BCL2L10: variants seen among roughly 807,000 people sequenced by gnomAD.
BCL2L10 encodes the protein bcl-2-like protein 10.
BCL2L10 carries 14 observed loss-of-function variants against 11.1 expected under a neutral mutation model. That is an observed-to-expected ratio of 1.26 (90% CI 0.83 to 1.96). The LOEUF (loss-of-function observed/expected upper bound fraction) is 1.96. BCL2L10 is among the 30% of genes most tolerant of loss of function. The pLI, the probability that BCL2L10 is intolerant of heterozygous loss-of-function variation, is 0.00. For synonymous variants in BCL2L10, 154 were observed against 133.4 expected (o/e 1.15, Z -1.07); for missense variants, 309 against 273.9 (o/e 1.13, Z -0.90).
At chr15:52,111,937 C>T (rs1056769529) in intron 1 of BCL2L10, among the ~76,000 whole-genome samples, 2 of 152,194 alleles carry the variant, frequency 1.3e-5, no homozygotes, top group African/African-American at 4.8e-5. Flanking sequence ...GGGTGCCCCC[C>T]TAAAAGTCCC....
chr15:52,110,715 G>A (rs1467627358), intron 1 of BCL2L10, among the ~76,000 whole-genome samples: 2 of 152,146 alleles, frequency 1.3e-5, no homozygotes, highest in African/African-American at 2.4e-5. Context: ...TTACAGGTGC[G>A]AGCCACTGCA....
Position 52,112,457 on chromosome 15 carries a change from G to T in BCL2L10, c.270C>A (p.Pro90=). Residue 90 remains proline (P), a synonymous_variant, in exon 1 of 2, where the codon CCC becomes CCA. Coordinates refer to ENST00000260442, the MANE Select transcript of BCL2L10 (RefSeq NM_020396.4). ...TCACCACTCTGCCCCAGGTGGGGCCGGGGCTGTCGGAGAGCACGGAATCCG... is the reference window on the plus strand; with the variant it reads ...TCACCACTCTGCCCCAGGTGGGGCCTGGGCTGTCGGAGAGCACGGAATCCG... ...LMADSVLSDS[P]GPTWGRVVTL... 6.2e-7 allele frequency: 1 copy of T among 1,605,702 alleles called. No homozygotes were observed. The highest frequency in any genetic ancestry group is 8.5e-7 in the Non-Finnish European group (1 of 1,179,342).
At position 52,109,913 on chromosome 15, in the gene BCL2L10, C is replaced by G; in HGVS notation, c.550G>C (p.Val184Leu). The G allele has an allele frequency of 6.2e-7, 1 of 1,613,694 alleles. No homozygotes were observed. Among genetic ancestry groups the G allele is most frequent in the Non-Finnish European group, 8.5e-7 (1 of 1,179,788 alleles). ...FPLAFWRKQL[V>L]QAFLSCLLTT... ...AACAAGCATGACAGAAAAGCCTGGA[C>G]CAGCTGTTTTCTCCAAAAAGCCAGT... The change falls in exon 2 of 2, where the codon GTC becomes CTC. Residue 184 changes from valine (V) to leucine (L), a missense_variant. Coordinates refer to ENST00000260442, the MANE Select transcript of BCL2L10 (RefSeq NM_020396.4).
rs1242339762 is a variant in BCL2L10, at chr15:52,109,972, T to C, written c.491A>G (p.Asp164Gly). The change falls in exon 2 of 2, where the codon GAT (aspartate) becomes GGT (glycine). Residue 164 changes from aspartate to glycine, a missense_variant and splice_region_variant. Transcript: ENST00000260442. ...GGTCCTGAAGAAGTGACAAAAGCCA[T>C]CCTACAGGGGGGAGAGAGAAAAGTT... ...RAWLQAQGGW[D>G]GFCHFFRTPF... The C allele has an allele frequency of 1.2e-6, 2 of 1,609,616 alleles. No homozygotes were observed. Among genetic ancestry groups the C allele is most frequent in the East Asian group, 2.2e-5 (1 of 44,802 alleles).
In BCL2L10 at chr15:52,112,398, C is replaced by T; in HGVS notation, c.329G>A (p.Arg110Lys). ...LVTFAGTLLE[R>K]GPLVTARWKK... ...CCACCGGGCGGTCACCAGCGGCCCTCTCTCCAGCAGCGTCCCTGCGAAGGT... is the reference window on the plus strand; with the variant it reads ...CCACCGGGCGGTCACCAGCGGCCCTTTCTCCAGCAGCGTCCCTGCGAAGGT... Residue 110 changes from arginine to lysine, a missense_variant, in exon 1 of 2, where the codon AGA (arginine) becomes AAA (lysine). Arg to Lys is a conservative substitution (Grantham distance 26). Transcript: ENST00000260442. The T allele has an allele frequency of 6.2e-7, 1 of 1,607,194 alleles. No homozygotes were observed. The highest frequency in any genetic ancestry group is 8.5e-7 in the Non-Finnish European group (1 of 1,179,538).
rs1236972176 is a variant in BCL2L10, at chr15:52,112,486, T to G, written c.241A>C (p.Met81Leu). The change falls in exon 1 of 2, where the codon ATG becomes CTG. Residue 81 changes from methionine to leucine, a missense_variant. Physicochemically the swap from Met to Leu is conservative, Grantham distance 15. Transcript: ENST00000260442. ...CTGTCGGAGAGCACGGAATCCGCCA[T>G]CAGCGCCACCAGCTCGAAGCGGTTC... Reference protein sequence around the residue: ...PGNRFELVALMADSVLSDSPG... With the variant: ...PGNRFELVALLADSVLSDSPG... 2.5e-6 allele frequency: 4 copies of G among 1,603,146 alleles called. No individual in the cohort carries two copies. In the East Asian group the frequency reaches 8.9e-5, roughly 36 times the overall value.
chr15:52,112,224 C>T lies in BCL2L10; in HGVS notation c.489+14G>A. On this transcript the variant is annotated intron_variant, in intron 1 of 1. Coordinates refer to ENST00000260442, the MANE Select transcript of BCL2L10 (RefSeq NM_020396.4). ...CCGTCCCGCCCCGTGTCCCGGTGTC[C>T]GCCGCGTGCTCACCCAGCCGCCCTG... The T allele has an allele frequency of 2.0e-6, 3 of 1,479,084 alleles. No individual in the cohort carries two copies. The highest frequency in any genetic ancestry group is 2.7e-6 in the Non-Finnish European group (3 of 1,120,024). 91.6% of individuals were successfully genotyped at this position (1,479,084 alleles called of 1,614,324 possible). A position where few individuals can be genotyped will look rare whatever the true frequency, so the allele number is the denominator to read the frequency against.
intron 1 of BCL2L10, 52 bp downstream of exon 1, chr15:52,112,186 G>A (rs1047144465): frequency 1.4e-6 from 2 of 1,423,114 alleles, no homozygotes; most frequent in Non-Finnish European, 1.8e-6. Context: ...CCTCGTGGGC[G>A]CTTCCCGGCT....
At chr15:52,112,135 C>A in intron 1 of BCL2L10, 103 bp downstream of exon 1, 1 of 1,391,748 alleles carries the variant, frequency 7.2e-7, no homozygotes, top group Non-Finnish European at 9.3e-7. Flanking sequence ...CACGAAACCT[C>A]GTTCCAGGGG....
intron 1 of BCL2L10, 163 bp downstream of exon 1, chr15:52,112,075 A>C: frequency 7.6e-7 from 1 of 1,318,160 alleles, no homozygotes; most frequent in Non-Finnish European, 9.8e-7. Context: ...GAGAAACCCC[A>C]GACTTCACAG....
At position 52,109,725 on chromosome 15, in the gene BCL2L10, T is replaced by C; in HGVS notation, c.*123A>G. 5.2e-6 allele frequency: 7 copies of C among 1,355,794 alleles called. No individual in the cohort carries two copies. Among genetic ancestry groups the C allele is most frequent in the Non-Finnish European group, 7.1e-6 (7 of 984,990 alleles). The allele number at this position is 1,355,794 out of a possible 1,614,324, so 84.0% of individuals were successfully genotyped here. ...CAAATCACCACCTCAGGACTCCTTG[T>C]ATGCATTCAGATAAAAACGTCTGGG... On this transcript the variant is annotated 3_prime_UTR_variant, in exon 2 of 2. Coordinates refer to ENST00000260442, the MANE Select transcript of BCL2L10 (RefSeq NM_020396.4).
rs2033029781 is a variant in BCL2L10 at position 52,109,989 on chromosome 15, A to G, written c.490-16T>C. ...AAAAGCCATCCTACAGGGGGGAGAG[A>G]GAAAAGTTAGATTGCCTCATGATGC... On this transcript the variant is annotated splice_polypyrimidine_tract_variant and intron_variant, in intron 1 of 1. Coordinates refer to ENST00000260442, the MANE Select transcript of BCL2L10 (RefSeq NM_020396.4). 1 of 1,588,352 alleles carries G rather than the reference A, an allele frequency of 6.3e-7. No individual in the cohort carries two copies. The highest frequency in any genetic ancestry group is 1.8e-5 in the Admixed American group (1 of 54,980).
At chr15:52,110,617 G>C (rs1042558369) in intron 1 of BCL2L10, among the ~76,000 whole-genome samples, 1 of 152,130 alleles carries the variant, frequency 6.6e-6, no homozygotes, top group Non-Finnish European at 1.5e-5. Context: ...ATTTTTAGTA[G>C]AGAGGGGGTT....
Position 52,112,401 on chromosome 15 carries a change from T to A in BCL2L10, c.326A>T (p.Glu109Val). 1 of 1,606,934 alleles carries A rather than the reference T, an allele frequency of 6.2e-7. No homozygotes were observed. Among genetic ancestry groups the A allele is most frequent in the East Asian group, 2.2e-5 (1 of 44,814 alleles). The stretch of plus-strand genomic sequence containing the variant: ...CCGGGCGGTCACCAGCGGCCCTCTC[T>A]CCAGCAGCGTCCCTGCGAAGGTCAC... ...TLVTFAGTLL[E>V]RGPLVTARWK... The change falls in exon 1 of 2, where the codon GAG (glutamate) becomes GTG (valine). Residue 109 changes from glutamate to valine, a missense_variant. Glu to Val is a moderately radical substitution (Grantham distance 121). Coordinates refer to ENST00000260442, the MANE Select transcript of BCL2L10 (RefSeq NM_020396.4).
rs2033029016 is a variant in BCL2L10 at position 52,109,979 on chromosome 15, G to T, written c.490-6C>A. ...AAGAAGTGACAAAAGCCATCCTACAGGGGGGAGAGAGAAAAGTTAGATTGC... is the reference window on the plus strand; with the variant it reads ...AAGAAGTGACAAAAGCCATCCTACATGGGGGAGAGAGAAAAGTTAGATTGC... On this transcript the variant is annotated splice_region_variant and splice_polypyrimidine_tract_variant and intron_variant, in intron 1 of 1. Coordinates refer to ENST00000260442, the MANE Select transcript of BCL2L10 (RefSeq NM_020396.4). 6.3e-7 allele frequency: 1 copy of T among 1,593,318 alleles called. No homozygotes were observed. Among genetic ancestry groups the T allele is most frequent in the Non-Finnish European group, 8.5e-7 (1 of 1,170,942 alleles).
rs2033015647 is a variant in BCL2L10, at chr15:52,109,462, A to G, written c.*386T>C. 1 of 163,968 alleles carries G rather than the reference A, an allele frequency of 6.1e-6. No homozygotes were observed. The highest frequency in any genetic ancestry group is 6.4e-5 in the Admixed American group (1 of 15,578). 10.2% of individuals were successfully genotyped at this position (163,968 alleles called of 1,614,324 possible). ...TCTACTTTGGGGATTATTTTGCCCC[A>G]GCTGTGGCCATGTTTAAAATTAGTC... On this transcript the variant is annotated 3_prime_UTR_variant, in exon 2 of 2. Transcript: ENST00000260442.
intron 1 of BCL2L10, among the ~76,000 whole-genome samples, chr15:52,111,739 A>G (rs12440956): frequency 0.15 from 23,021 of 151,918 alleles, 2,131 homozygotes; most frequent in Admixed American, 0.25. Flanking sequence ...CCACTGGGCG[A>G]CCACCACACT....
Position 52,112,380 on chromosome 15 carries a change from G to T in BCL2L10, c.347C>A (p.Ala116Asp). ...CTGGAAGCCCCACTTCTTCCACCGGGCGGTCACCAGCGGCCCTCTCTCCAG... is the reference window on the plus strand; with the variant it reads ...CTGGAAGCCCCACTTCTTCCACCGGTCGGTCACCAGCGGCCCTCTCTCCAG... ...TLLERGPLVTARWKKWGFQPR... is the reference protein window; with the variant it reads ...TLLERGPLVTDRWKKWGFQPR... Residue 116 changes from alanine (A) to aspartate (D), a missense_variant, in exon 1 of 2, where the codon GCC becomes GAC. Ala to Asp is a moderately radical substitution (Grantham distance 126). Transcript: ENST00000260442. The T allele has an allele frequency of 6.2e-7, 1 of 1,605,712 alleles. No homozygotes were observed.
Position 52,109,683 on chromosome 15 carries a change from C to G in BCL2L10, c.*165G>C. The G allele has an allele frequency of 1.1e-6, 1 of 917,552 alleles. No individual in the cohort carries two copies. The highest frequency in any genetic ancestry group is 1.6e-6 in the Non-Finnish European group (1 of 622,962). 56.8% of individuals were successfully genotyped at this position (917,552 alleles called of 1,614,324 possible). ...TGTCCTCACACCTGAGTACTTGTCA[C>G]AAGTTAAAACACTGGCCAAATCACC... On this transcript the variant is annotated 3_prime_UTR_variant, in exon 2 of 2. Coordinates refer to ENST00000260442, the MANE Select transcript of BCL2L10 (RefSeq NM_020396.4).
Sources: allele counts gnomAD v4.1 joint callset (sites outside exome capture counted in the v4.1 genomes callset), GRCh38; gene constraint gnomAD v4.1.1; transcripts MANE v1.5; gene names NCBI Gene and HGNC (gene_info 2026-07-23, HGNC 2026-07-21).